DNAJC1: variants seen among roughly 807,000 people sequenced by gnomAD.
The protein encoded by DNAJC1 is DnaJ heat shock protein family (Hsp40) member C1.
DNAJC1 carries 58 observed loss-of-function variants against 76.6 expected under a neutral mutation model. The observed-to-expected ratio is 0.76, with a 90% CI of 0.61 to 0.94. The LOEUF is 0.94. DNAJC1 is among the 40% of genes least tolerant of loss of function. DNAJC1 has a pLI of 0.00. For missense variants in DNAJC1, 689 were observed against 677.3 expected (o/e 1.02, Z -0.19); for synonymous variants, 258 against 267.9 (o/e 0.96, Z 0.36).
At chr10:21,957,522 T>C (rs1837710294) in intron 1 of DNAJC1, among the ~76,000 whole-genome samples, 1 of 152,234 alleles carries the variant, frequency 6.6e-6, no homozygotes, top group African/African-American at 2.4e-5. Context: ...ACTGAGTTAA[T>C]TTAGTATAAT....
At chr10:21,838,723 T>A (rs1267524491) in intron 8 of DNAJC1, among the ~76,000 whole-genome samples, 1 of 152,122 alleles carries the variant, frequency 6.6e-6, no homozygotes, top group African/African-American at 2.4e-5. Flanking sequence ...TACCCAGGAA[T>A]TGAACTCAGC....
At chr10:21,997,190 A>G (rs1838429816) in intron 1 of DNAJC1, among the ~76,000 whole-genome samples, 1 of 152,196 alleles carries the variant, frequency 6.6e-6, no homozygotes, top group Admixed American at 6.5e-5. Flanking sequence ...GAATGAAATC[A>G]TCATCTTCAT....
intron 11 of DNAJC1, 65 bp from the exon 12 acceptor site, chr10:21,756,820 G>T: frequency 6.7e-7 from 1 of 1,488,800 alleles, no homozygotes; most frequent in Admixed American, 1.7e-5. Flanking sequence ...TCATCATGTG[G>T]CCGGTCTGCT....
intron 8 of DNAJC1, among the ~76,000 whole-genome samples, chr10:21,842,782 T>A (rs989797305): frequency 6.6e-6 from 1 of 152,144 alleles, no homozygotes; most frequent in African/African-American, 2.4e-5. Flanking sequence ...CTAATAAAAT[T>A]AATAGTCTAA....
chr10:21,763,592 C>G (rs1245982502), intron 10 of DNAJC1, among the ~76,000 whole-genome samples: 5 of 139,822 alleles, frequency 3.6e-5, no homozygotes, highest in Non-Finnish European at 4.6e-5. Context: ...TTAGACCCTA[C>G]GCCAAGAATT....
chr10:21,971,921 C>T (rs1178934730), intron 1 of DNAJC1, among the ~76,000 whole-genome samples: 4 of 151,770 alleles, frequency 2.6e-5, no homozygotes, highest in African/African-American at 9.7e-5. Flanking sequence ...ATTTCCAATT[C>T]TCAGAAAAAC....
chr10:21,964,741 T>C (rs1388545201), intron 1 of DNAJC1, among the ~76,000 whole-genome samples: 4 of 151,980 alleles, frequency 2.6e-5, no homozygotes, highest in East Asian at 1.9e-4. Context: ...TTTTTGTTGT[T>C]TTTCAGGAAC....
At chr10:21,984,303 CAAG>C (rs1838204747) in intron 1 of DNAJC1, among the ~76,000 whole-genome samples, 1 of 152,082 alleles carries the variant, frequency 6.6e-6, no homozygotes, top group South Asian at 2.1e-4. Flanking sequence ...CTCTTACATA[CAAG>C]AAGAATAGAA....
chr10:21,864,257 C>T lies in DNAJC1; in HGVS notation c.978+18025G>A, dbSNP rs562112490. 3.3e-5 allele frequency among the ~76,000 whole-genome samples: 5 copies of T among 151,892 alleles called. No individual in the cohort carries two copies. The South Asian group carries it at 8.3e-4, about 25-fold the overall frequency. On this transcript the variant is annotated intron_variant, in intron 8 of 11. Transcript: ENST00000376980. The stretch of plus-strand genomic sequence containing the variant: ...GGAAACAAAAAACTATAAACTTTGA[C>T]CCTTACCTCACCTATTTGCAAAAAA...
chr10:21,863,186 T>G (rs1029783251), intron 8 of DNAJC1, among the ~76,000 whole-genome samples: 1 of 151,160 alleles, frequency 6.6e-6, no homozygotes. Flanking sequence ...GACAGGTATG[T>G]AAGAGCAGAA....
At chr10:21,844,155 T>C (rs1835618691) in intron 8 of DNAJC1, among the ~76,000 whole-genome samples, 1 of 152,226 alleles carries the variant, frequency 6.6e-6, no homozygotes, top group African/African-American at 2.4e-5. Context: ...ACCTCTTTCC[T>C]TTATAAATTA....
chr10:21,805,198 T>C (rs930503346), intron 9 of DNAJC1, among the ~76,000 whole-genome samples: 1 of 152,108 alleles, frequency 6.6e-6, no homozygotes, highest in Non-Finnish European at 1.5e-5. Flanking sequence ...ATAGGATTTA[T>C]TTAAAGTAAA....
At chr10:21,771,925 G>C (rs577777755) in intron 9 of DNAJC1, among the ~76,000 whole-genome samples, 2 of 152,102 alleles carry the variant, frequency 1.3e-5, no homozygotes, top group African/African-American at 4.8e-5. Flanking sequence ...CTTGATCATG[G>C]TAATAAATGT....
intron 9 of DNAJC1, among the ~76,000 whole-genome samples, chr10:21,798,818 T>C (rs900215084): frequency 2.0e-5 from 3 of 152,208 alleles, no homozygotes; most frequent in African/African-American, 4.8e-5. Context: ...GCTTGCGTGG[T>C]TGCAACTTAG....
At chr10:21,969,155 C>T (rs2131826511) in intron 1 of DNAJC1, among the ~76,000 whole-genome samples, 1 of 146,024 alleles carries the variant, frequency 6.8e-6, no homozygotes, top group Admixed American at 7.1e-5. Flanking sequence ...ACCCGGGAGG[C>T]AGAGGTTGCA....
Position 21,929,032 on chromosome 10 carries a change from T to A in DNAJC1, c.324+8A>T. 6.4e-7 allele frequency: 1 copy of A among 1,552,142 alleles called. No homozygotes were observed. The highest frequency in any genetic ancestry group is 1.7e-4 in the Middle Eastern group (1 of 5,920). ...CAAAATATATATATAATAGCATATT[T>A]CACTTACTTGTCTAAACTGAGTTTC... On this transcript the variant is annotated splice_region_variant and intron_variant, in intron 2 of 11. Transcript: ENST00000376980.
intron 8 of DNAJC1, among the ~76,000 whole-genome samples, chr10:21,879,708 C>A (rs1356408107): frequency 1.3e-5 from 2 of 152,070 alleles, no homozygotes; most frequent in Non-Finnish European, 2.9e-5. Flanking sequence ...AGCATTATGT[C>A]CAAAAAACAA....
intron 9 of DNAJC1, among the ~76,000 whole-genome samples, chr10:21,770,395 C>CTTTT (rs34881959): frequency 2.3e-4 from 25 of 107,558 alleles, no homozygotes; most frequent in Non-Finnish European, 4.4e-4. Context: ...TTTTTTTCTT[C>CTTTT]TTTTTTTTTT....
intron 8 of DNAJC1, among the ~76,000 whole-genome samples, chr10:21,815,784 T>C (rs556164094): frequency 6.6e-6 from 1 of 151,924 alleles, no homozygotes; most frequent in African/African-American, 2.4e-5. Flanking sequence ...TTCCCTCTGT[T>C]GCACAGGCTG....
Sources: gnomAD v4.1 joint callset for allele counts (sites outside exome capture counted in the v4.1 genomes callset) on GRCh38, gnomAD v4.1.1 for gene constraint, MANE v1.5 for transcripts, NCBI Gene and HGNC (gene_info 2026-07-23, HGNC 2026-07-21) for gene names.